The following NLRP8 variants were observed in gnomAD, a reference collection of about 807,000 sequenced individuals.
NLRP8 encodes the protein NACHT, LRR and PYD domains-containing protein 8.
In NLRP8, 86 loss-of-function variants were observed where a neutral mutation model predicts 88.7. That is an observed-to-expected ratio of 0.97 (90% CI 0.81 to 1.16). The LOEUF (loss-of-function observed/expected upper bound fraction) is 1.16, where lower values mean the gene tolerates loss of function less well. NLRP8 is among the 50% of genes most tolerant of loss of function. The pLI, the probability that NLRP8 is intolerant of heterozygous loss-of-function variation, is 0.00. For missense variants in NLRP8, 1,342 were observed against 1,286.5 expected, an observed-to-expected ratio of 1.04 and a Z score of -0.66; for synonymous variants, 504 against 494.6, an observed-to-expected ratio of 1.02 and a Z score of -0.25.
At chr19:55,951,898 C>T (rs1360397974) in intron 1 of NLRP8, among the ~76,000 whole-genome samples, 1 of 151,840 alleles carries the variant, frequency 6.6e-6, no homozygotes, top group Non-Finnish European at 1.5e-5. Flanking sequence ...TATAGGCATG[C>T]CACCATGCCT....
intron 5 of NLRP8, among the ~76,000 whole-genome samples, chr19:55,970,272 A>G (rs1245529715): frequency 6.6e-6 from 1 of 152,160 alleles, no homozygotes. Flanking sequence ...AACTTTTTTT[A>G]AAATTTGTAT....
chr19:55,982,079 T>G (rs1653998715), intron 9 of NLRP8, among the ~76,000 whole-genome samples: 1 of 152,132 alleles, frequency 6.6e-6, no homozygotes, highest in South Asian at 2.1e-4. Context: ...TTTTTTTGTA[T>G]TTTTAGCAGA....
chr19:55,985,166 G>A (rs1348401579), intron 9 of NLRP8, among the ~76,000 whole-genome samples: 1 of 152,138 alleles, frequency 6.6e-6, no homozygotes, highest in African/African-American at 2.4e-5. Context: ...AGCCAGGCGT[G>A]GTGGCGGGCG....
intron 1 of NLRP8, among the ~76,000 whole-genome samples, chr19:55,952,036 G>A (rs1003713896): frequency 6.6e-6 from 1 of 152,220 alleles, no homozygotes; most frequent in Admixed American, 6.5e-5. Context: ...ACAGGCGTGA[G>A]CCACAGTGCC....
At chr19:55,958,134 A>G (rs1251077289) in intron 3 of NLRP8, among the ~76,000 whole-genome samples, 1 of 152,110 alleles carries the variant, frequency 6.6e-6, no homozygotes, top group Non-Finnish European at 1.5e-5. Context: ...GAGAAGAGAG[A>G]GGCGATTTAG....
At chr19:55,967,110 A>G (rs375998353) in intron 5 of NLRP8, among the ~76,000 whole-genome samples, 1 of 152,262 alleles carries the variant, frequency 6.6e-6, no homozygotes, top group East Asian at 1.9e-4. Context: ...GGAATGTACA[A>G]TTTATTATTA....
At chr19:55,948,330 T>A in intron 1 of NLRP8, 61 bp downstream of exon 1, 1 of 1,536,768 alleles carries the variant, frequency 6.5e-7, no homozygotes, top group Non-Finnish European at 8.8e-7. Context: ...GCTAAACTAC[T>A]CTAGTCACCA....
intron 6 of NLRP8, among the ~76,000 whole-genome samples, chr19:55,971,867 G>T (rs753871781): frequency 2.0e-5 from 3 of 152,078 alleles, no homozygotes; most frequent in Non-Finnish European, 4.4e-5. Flanking sequence ...CAATCTGTTG[G>T]GCAGGAAATG....
chr19:55,952,857 C>T (rs1181481387), intron 2 of NLRP8, among the ~76,000 whole-genome samples: 6 of 151,990 alleles, frequency 3.9e-5, no homozygotes, highest in South Asian at 2.1e-4. Context: ...ACCCGGGAGG[C>T]GGAGGGTTGC....
chr19:55,953,944 G>A (rs1004356730), intron 2 of NLRP8, among the ~76,000 whole-genome samples: 4 of 150,466 alleles, frequency 2.7e-5, no homozygotes, highest in African/African-American at 4.9e-5. Flanking sequence ...TGGGATTACC[G>A]GCGTGTGCAC....
chr19:55,964,622 C>T (rs1032612161), intron 4 of NLRP8, among the ~76,000 whole-genome samples: 10 of 151,820 alleles, frequency 6.6e-5, no homozygotes, highest in Non-Finnish European at 1.5e-4. Flanking sequence ...TGTGGTGGTG[C>T]ACATCTGTAA....
chr19:55,952,476 CTGT>C, intron 1 of NLRP8, 59 bp from the exon 2 acceptor site: 9 of 1,393,660 alleles, frequency 6.5e-6, no homozygotes, highest in Non-Finnish European at 9.2e-6. Flanking sequence ...TGGCTCCATG[CTGT>C]TTCCCTGCTA....
intron 2 of NLRP8, among the ~76,000 whole-genome samples, 161 bp from the exon 3 acceptor site, chr19:55,954,340 C>T (rs1309823557): frequency 1.3e-5 from 2 of 152,156 alleles, no homozygotes; most frequent in East Asian, 1.9e-4. Context: ...TTCGTTGGTG[C>T]TTCCTAGTTG....
intron 9 of NLRP8, among the ~76,000 whole-genome samples, chr19:55,983,774 T>C (rs1486248211): frequency 8.4e-6 from 1 of 119,300 alleles, no homozygotes; most frequent in Non-Finnish European, 1.6e-5. Context: ...AACACAAAGT[T>C]GGCAGGAACT....
intron 7 of NLRP8, 129 bp from the exon 8 acceptor site, chr19:55,975,991 AAAAACAAACAAAC>A: frequency 2.4e-6 from 2 of 843,436 alleles, no homozygotes; most frequent in South Asian, 2.3e-5. Context: ...TGCAAAAACA[AAAAACAAACAAAC>A]AAAACAAACA....
At chr19:55,971,459 A>C (rs75972850) in intron 6 of NLRP8, among the ~76,000 whole-genome samples, 4 of 147,850 alleles carry the variant, frequency 2.7e-5, no homozygotes, top group African/African-American at 1.0e-4. Flanking sequence ...AAAAAAAAAA[A>C]GGATTTTACA....
intron 6 of NLRP8, among the ~76,000 whole-genome samples, chr19:55,971,250 G>T (rs1980060673): frequency 6.6e-6 from 1 of 151,918 alleles, no homozygotes; most frequent in Admixed American, 6.6e-5. Flanking sequence ...GACCAGCCTG[G>T]CCAACATGGT....
intron 4 of NLRP8, among the ~76,000 whole-genome samples, chr19:55,963,418 TC>T (rs1979701060): frequency 6.6e-6 from 1 of 152,160 alleles, no homozygotes; most frequent in African/African-American, 2.4e-5. Context: ...AGCCTTAAGC[TC>T]GTCTTCCCCA....
chr19:55,988,002 T>A lies in NLRP8; in HGVS notation c.*89T>A. ...CCAGGCGTTATCATCCTGTATGCATTAACGTACTTTCCCCTGAAACAGAGC... is the reference window on the plus strand; with the variant it reads ...CCAGGCGTTATCATCCTGTATGCATAAACGTACTTTCCCCTGAAACAGAGC... On this transcript the variant is annotated 3_prime_UTR_variant, in exon 10 of 10. Transcript: ENST00000291971. The A allele has an allele frequency of 2.1e-6, 2 of 970,372 alleles. No individual in the cohort carries two copies. The highest frequency in any genetic ancestry group is 3.3e-6 in the Non-Finnish European group (2 of 611,642). 60.1% of individuals were successfully genotyped at this position (970,372 alleles called of 1,614,324 possible).
Sources: allele counts gnomAD v4.1 joint callset (sites outside exome capture counted in the v4.1 genomes callset), GRCh38; gene constraint gnomAD v4.1.1; transcripts MANE v1.5; gene names NCBI Gene and HGNC (gene_info 2026-07-23, HGNC 2026-07-21).